The following VHL variants were observed in gnomAD, a reference collection of about 807,000 sequenced individuals.
VHL encodes the protein von Hippel-Lindau tumor suppressor, also known as von Hippel-Lindau disease tumor suppressor.
Under a neutral mutation model 19.2 loss-of-function variants are expected in VHL, and 10 were observed. That is an observed-to-expected ratio of 0.52 (90% CI 0.32 to 0.89). The LOEUF is 0.89. VHL is among the 40% of genes least tolerant of loss of function. VHL has a pLI of 0.03. For synonymous variants in VHL, 167 were observed against 129.5 expected (o/e 1.29, Z -1.97); for missense variants, 328 against 292.7 (o/e 1.12, Z -0.88).
Position 10,151,146 on chromosome 3 carries a change from G to C in VHL, c.*1181G>C, listed in dbSNP as rs72563745. The C allele has an allele frequency of 5.0e-3, 946 of 190,172 alleles. 12 individuals carry two copies. The highest frequency in any genetic ancestry group is 0.02 in the African/African-American group (869 of 43,040). The allele number at this position is 190,172 out of a possible 1,614,324, so 11.8% of individuals were successfully genotyped here. A position where few individuals can be genotyped will look rare whatever the true frequency, so the allele number is the denominator to read the frequency against. On this transcript the variant is annotated 3_prime_UTR_variant, in exon 3 of 3. Coordinates refer to ENST00000256474, the MANE Select transcript of VHL (RefSeq NM_000551.4). ...CCGCCCACCTCAGCCTCCCAAAATG[G>C]TGGGATTACAGGTGTGTGGGCCACC...
chr3:10,151,367 A>G lies in VHL; in HGVS notation c.*1402A>G. On this transcript the variant is annotated 3_prime_UTR_variant, in exon 3 of 3. Transcript: ENST00000256474. ...CTATCAGACTCAGTTTTTTGTAACT[A>G]ATAGATTTTTTTTTCCACTTTTGTT... is the stretch of plus-strand genomic sequence containing the variant. 4.6e-6 allele frequency: 1 copy of G among 217,442 alleles called. No homozygotes were observed. Among genetic ancestry groups the G allele is most frequent in the Non-Finnish European group, 9.2e-6 (1 of 108,232 alleles). The allele number at this position is 217,442 out of a possible 1,614,324, so 13.5% of individuals were successfully genotyped here. A position where few individuals can be genotyped will look rare whatever the true frequency, so the allele number is the denominator to read the frequency against.
chr3:10,148,565 C>T (rs536772897), intron 2 of VHL, among the ~76,000 whole-genome samples: 10 of 151,752 alleles, frequency 6.6e-5, no homozygotes, highest in South Asian at 2.1e-4. Flanking sequence ...CCGCCCGCCT[C>T]GGCCTCCCAA....
rs369383955 is a variant in VHL, at chr3:10,143,294, CTAATTTTTTTTTTAGTAGAGACGGGGG to C, written c.340+1109_340+1135del. Among the ~76,000 whole-genome samples, 43 of 152,122 alleles carry C rather than the reference CTAATTTTTTTTTTAGTAGAGACGGGGG, an allele frequency of 2.8e-4. No homozygotes were observed. In the East Asian group the frequency reaches 7.5e-3, roughly 27 times the overall value. On this transcript the variant is annotated intron_variant, in intron 1 of 2. Coordinates refer to ENST00000256474, the MANE Select transcript of VHL (RefSeq NM_000551.4). ...TACAGGCGTGCGCCACCACTCCTGG[CTAATTTTTTTTTTAGTAGAGACGGGGG>C]TTTCGTCATTTTGGCCAGGCTGGTC...
intron 1 of VHL, among the ~76,000 whole-genome samples, chr3:10,144,533 G>A (rs1265662785): frequency 7.9e-6 from 1 of 127,266 alleles, no homozygotes; most frequent in African/African-American, 3.1e-5. Flanking sequence ...ATGTCCTGCT[G>A]TTGCCTGGGC....
At chr3:10,146,478 G>A (rs1039093140) in intron 1 of VHL, 36 bp from the exon 2 acceptor site, 1 of 1,611,350 alleles carries the variant, frequency 6.2e-7, no homozygotes, top group African/African-American at 1.3e-5. Flanking sequence ...CCAGCCACCG[G>A]TGTGGCTCTT....
chr3:10,142,390 G>T (rs776975601), intron 1 of VHL, among the ~76,000 whole-genome samples: 1 of 126,312 alleles, frequency 7.9e-6, no homozygotes, highest in Non-Finnish European at 1.6e-5. Flanking sequence ...CTGTCGCCCA[G>T]GCTGGAGTGC....
intron 2 of VHL, among the ~76,000 whole-genome samples, chr3:10,147,154 G>A (rs1696281131): frequency 6.6e-6 from 1 of 152,002 alleles, no homozygotes; most frequent in Non-Finnish European, 1.5e-5. Context: ...TGGGACTACA[G>A]GCGTGTGCCA....
rs1297348400 is a variant in VHL at position 10,151,330 on chromosome 3, A to C, written c.*1365A>C. 1 of 214,646 alleles carries C rather than the reference A, an allele frequency of 4.7e-6. No individual in the cohort carries two copies. The highest frequency in any genetic ancestry group is 2.3e-5 in the African/African-American group (1 of 44,336). 13.3% of individuals were successfully genotyped at this position (214,646 alleles called of 1,614,324 possible). A position where few individuals can be genotyped will look rare whatever the true frequency, so the allele number is the denominator to read the frequency against. The stretch of plus-strand genomic sequence containing the variant: ...GGCTAGACTTAGATTCATTAACTCA[A>C]ATTCAATGCTTCTATCAGACTCAGT... On this transcript the variant is annotated 3_prime_UTR_variant, in exon 3 of 3. Coordinates refer to ENST00000256474, the MANE Select transcript of VHL (RefSeq NM_000551.4).
chr3:10,146,981 A>C (rs1034783527), intron 2 of VHL, among the ~76,000 whole-genome samples: 1 of 151,954 alleles, frequency 6.6e-6, no homozygotes, highest in Non-Finnish European at 1.5e-5. Context: ...GTAGAGCATG[A>C]GATATTTTGG....
In VHL at chr3:10,150,433, T is replaced by C. The variant is rs1290778127; in HGVS notation, c.*468T>C. 3.9e-6 allele frequency: 4 copies of C among 1,019,890 alleles called. No individual in the cohort carries two copies. The highest frequency in any genetic ancestry group is 1.6e-5 in the African/African-American group (1 of 60,808). 63.2% of individuals were successfully genotyped at this position (1,019,890 alleles called of 1,614,324 possible). A position where few individuals can be genotyped will look rare whatever the true frequency, so the allele number is the denominator to read the frequency against. ...GTGAGGCAGGGACAAGTCTTTCTCC[T>C]CTTTGAGACCCCAGTGCCTGCACAT... On this transcript the variant is annotated 3_prime_UTR_variant, in exon 3 of 3. Coordinates refer to ENST00000256474, the MANE Select transcript of VHL (RefSeq NM_000551.4).
intron 2 of VHL, among the ~76,000 whole-genome samples, chr3:10,146,889 TTAGTTTTG>T (rs1696273698): frequency 6.6e-6 from 1 of 152,262 alleles, no homozygotes; most frequent in African/African-American, 2.4e-5. Context: ...ATATCATAGG[TTAGTTTTG>T]TAGAATTGTA....
chr3:10,145,595 A>C (rs1696235701), intron 1 of VHL, among the ~76,000 whole-genome samples: 1 of 151,080 alleles, frequency 6.6e-6, no homozygotes, highest in African/African-American at 2.4e-5. Context: ...GGTCCCAGCT[A>C]TTTGGGAGGC....
rs190763306 is a variant in VHL at position 10,146,243 on chromosome 3, G to T, written c.341-271G>T. Reference sequence around the variant, plus strand: ...GGCTGGAGTGCAGTGGCGCGATCTCGGCTCACGGCAAGCTCCACCTCCTGG... The same window carrying T: ...GGCTGGAGTGCAGTGGCGCGATCTCTGCTCACGGCAAGCTCCACCTCCTGG... On this transcript the variant is annotated intron_variant, in intron 1 of 2. Coordinates refer to ENST00000256474, the MANE Select transcript of VHL (RefSeq NM_000551.4). 1.6e-3 allele frequency among the ~76,000 whole-genome samples: 240 copies of T among 149,346 alleles called. 1 individual carries two copies. Among genetic ancestry groups the T allele is most frequent in the African/African-American group, 5.7e-3 (230 of 40,100 alleles).
chr3:10,142,495 G>C, intron 1 of VHL: 1 of 406,004 alleles, frequency 2.5e-6, no homozygotes, highest in Middle Eastern at 6.9e-4. Flanking sequence ...ACAGGCGTGC[G>C]CCACCGCGCC....
At position 10,141,786 on chromosome 3, in the gene VHL, G is replaced by A; in HGVS notation, c.-62G>A. Reference sequence around the variant, plus strand: ...GACTCGGGAGCGCGCACGCAGCTCCGCCCCGCGTCCGACCCGCGGATCCCG... The same window carrying A: ...GACTCGGGAGCGCGCACGCAGCTCCACCCCGCGTCCGACCCGCGGATCCCG... On this transcript the variant is annotated 5_prime_UTR_variant, in exon 1 of 3. Transcript: ENST00000256474. 3 of 1,527,260 alleles carry A rather than the reference G, an allele frequency of 2.0e-6. No individual in the cohort carries two copies. The highest frequency in any genetic ancestry group is 2.6e-6 in the Non-Finnish European group (3 of 1,132,642). The allele number at this position is 1,527,260 out of a possible 1,614,324, so 94.6% of individuals were successfully genotyped here. A position where few individuals can be genotyped will look rare whatever the true frequency, so the allele number is the denominator to read the frequency against.
chr3:10,143,678 C>T (rs759768602), intron 1 of VHL, among the ~76,000 whole-genome samples: 6 of 152,020 alleles, frequency 3.9e-5, no homozygotes, highest in African/African-American at 9.7e-5. Flanking sequence ...CCATCTCCTG[C>T]GCTCGTGATC....
Position 10,148,377 on chromosome 3 carries a change from G to T in VHL, c.464-1410G>T, listed in dbSNP as rs1187136419. ...TCGCCCAGGCTGGAGTGCAGTGGCG[G>T]GATCTCGGCTCACTGCAAGCTCCGC... is the stretch of plus-strand genomic sequence containing the variant. On this transcript the variant is annotated intron_variant, in intron 2 of 2. Transcript: ENST00000256474. Among the ~76,000 whole-genome samples the T allele has an allele frequency of 1.9e-4, 28 of 144,972 alleles. No homozygotes were observed. The South Asian group carries it at 3.1e-3, about 16-fold the overall frequency.
rs1642742 is a variant in VHL, at chr3:10,150,259, G to A, written c.*294G>A. ...GGACAGCTTGTATGTAAGGAGGTTT[G>A]TATAAGTAATTCAGTGGGAATTGCA... On this transcript the variant is annotated 3_prime_UTR_variant, in exon 3 of 3. Transcript: ENST00000256474. The A allele has an allele frequency of 0.66, 859,089 of 1,306,604 alleles. 288,789 individuals carry two copies. The highest frequency in any genetic ancestry group is 0.76 in the East Asian group (23,177 of 30,464). The allele number at this position is 1,306,604 out of a possible 1,614,324, so 80.9% of individuals were successfully genotyped here. A position where few individuals can be genotyped will look rare whatever the true frequency, so the allele number is the denominator to read the frequency against.
rs1575932637 is a variant in VHL at position 10,149,929 on chromosome 3, A to C, written c.606A>C (p.Thr202=). The C allele has an allele frequency of 1.1e-5, 18 of 1,614,174 alleles. No individual in the cohort carries two copies. The highest frequency in any genetic ancestry group is 1.5e-5 in the Non-Finnish European group (18 of 1,180,024). The change falls in exon 3 of 3, where the codon ACA becomes ACC. Residue 202 remains threonine, a synonymous_variant. Coordinates refer to ENST00000256474, the MANE Select transcript of VHL (RefSeq NM_000551.4). ...PNVQKDLERL[T]QERIAHQRMG... Reference sequence around the variant, plus strand: ...TGCAGAAAGACCTGGAGCGGCTGACACAGGAGCGCATTGCACATCAACGGA... The same window carrying C: ...TGCAGAAAGACCTGGAGCGGCTGACCCAGGAGCGCATTGCACATCAACGGA...
Sources: gnomAD v4.1 joint callset for allele counts (sites outside exome capture counted in the v4.1 genomes callset) on GRCh38, gnomAD v4.1.1 for gene constraint, MANE v1.5 for transcripts, NCBI Gene and HGNC (gene_info 2026-07-23, HGNC 2026-07-21) for gene names.